DOCK3: variants seen among roughly 807,000 people sequenced by gnomAD.
DOCK3 encodes dedicator of cytokinesis protein 3.
In DOCK3, 60 loss-of-function variants were observed where a neutral mutation model predicts 265.6. That is an observed-to-expected ratio of 0.23 (90% CI 0.18 to 0.28). The LOEUF (loss-of-function observed/expected upper bound fraction) is 0.28, where lower values mean the gene tolerates loss of function less well. Ranked by LOEUF, DOCK3 falls within the 10% of genes least tolerant of loss-of-function variation. The probability of loss-of-function intolerance (pLI) is 1.00; values close to 1 mark genes in which losing one functional copy is unlikely to be tolerated. For synonymous variants in DOCK3, 881 were observed against 938.0 expected (o/e 0.94, Z 1.11); for missense variants, 1,981 against 2,594.3 (o/e 0.76, Z 5.14).
intron 22 of DOCK3, among the ~76,000 whole-genome samples, chr3:51,248,623 G>A (rs1270793057): frequency 1.3e-5 from 2 of 152,036 alleles, no homozygotes; most frequent in Admixed American, 6.5e-5. Context: ...ACCCCGTCTG[G>A]GCAGTGAGGA....
intron 3 of DOCK3, among the ~76,000 whole-genome samples, chr3:50,871,994 G>C (rs2047453561): frequency 6.6e-6 from 1 of 152,148 alleles, no homozygotes; most frequent in African/African-American, 2.4e-5. Flanking sequence ...TGAGTTCTCT[G>C]TCTGAAAGAT....
intron 1 of DOCK3, among the ~76,000 whole-genome samples, chr3:50,745,334 C>T (rs9824444): frequency 0.76 from 114,913 of 151,994 alleles, 44,592 homozygotes; most frequent in Middle Eastern, 0.88. Flanking sequence ...GCTGAGCCAC[C>T]GTGCCCGGTG....
intron 10 of DOCK3, among the ~76,000 whole-genome samples, chr3:51,148,820 A>T (rs2085426668): frequency 6.6e-6 from 1 of 152,172 alleles, no homozygotes; most frequent in African/African-American, 2.4e-5. Context: ...TGTCTTGGCA[A>T]TGTGGGCTCT....
intron 21 of DOCK3, among the ~76,000 whole-genome samples, chr3:51,245,390 C>CTTTT (rs71084137): frequency 9.4e-6 from 1 of 106,678 alleles, no homozygotes; most frequent in African/African-American, 3.5e-5. Context: ...CATTTTCTTT[C>CTTTT]TTTTTTTTTT....
At chr3:50,839,718 TCTCCCCTCCCCTCCC>T (rs1190808502) in intron 2 of DOCK3, among the ~76,000 whole-genome samples, 4 of 15,022 alleles carry the variant, frequency 2.7e-4, no homozygotes, top group South Asian at 4.8e-3. Flanking sequence ...CCTCCCCTCC[TCTCCCCTCCCCTCCC>T]CTCCCCTCCC....
At chr3:51,040,717 A>G (rs2080447766) in intron 5 of DOCK3, among the ~76,000 whole-genome samples, 1 of 152,210 alleles carries the variant, frequency 6.6e-6, no homozygotes, top group Non-Finnish European at 1.5e-5. Context: ...CTACTTTATC[A>G]ATAAAGTTTA....
At chr3:51,134,996 G>C (rs755740361) in intron 9 of DOCK3, among the ~76,000 whole-genome samples, 13 of 152,050 alleles carry the variant, frequency 8.5e-5, no homozygotes, top group Non-Finnish European at 5.9e-5. Context: ...TGCCTGGTGC[G>C]CAAAAAAACA....
intron 27 of DOCK3, among the ~76,000 whole-genome samples, chr3:51,281,641 T>C (rs947565700): frequency 1.3e-5 from 2 of 152,158 alleles, no homozygotes; most frequent in Non-Finnish European, 2.9e-5. Flanking sequence ...ATCTTTTGTG[T>C]TGGAGACTCT....
At chr3:50,687,292 C>A (rs971569045) in intron 1 of DOCK3, among the ~76,000 whole-genome samples, 2 of 152,086 alleles carry the variant, frequency 1.3e-5, no homozygotes, top group African/African-American at 4.8e-5. Context: ...AGTTTGGCTT[C>A]GAATGCAGCC....
intron 3 of DOCK3, among the ~76,000 whole-genome samples, chr3:50,859,932 G>T (rs2046824085): frequency 6.6e-6 from 1 of 152,254 alleles, no homozygotes; most frequent in African/African-American, 2.4e-5. Context: ...GTACTTCTTG[G>T]CTGCCCACTG....
chr3:51,014,378 C>T (rs574547350), intron 5 of DOCK3, among the ~76,000 whole-genome samples: 1 of 152,236 alleles, frequency 6.6e-6, no homozygotes, highest in East Asian at 1.9e-4. Context: ...CTCATTCTCT[C>T]TTACATTCTC....
chr3:51,012,254 C>T (rs1307970572), intron 5 of DOCK3, among the ~76,000 whole-genome samples: 3 of 152,306 alleles, frequency 2.0e-5, no homozygotes, highest in African/African-American at 7.2e-5. Context: ...GAGGTGGAGT[C>T]TACAGAGGCA....
intron 23 of DOCK3, among the ~76,000 whole-genome samples, chr3:51,260,818 C>T (rs960000940): frequency 1.3e-5 from 2 of 151,724 alleles, no homozygotes; most frequent in African/African-American, 2.4e-5. Context: ...CCCATCTCTA[C>T]TAAAAATACA....
At chr3:50,895,593 G>A (rs978425434) in intron 4 of DOCK3, among the ~76,000 whole-genome samples, 1 of 152,064 alleles carries the variant, frequency 6.6e-6, no homozygotes, top group African/African-American at 2.4e-5. Context: ...GTATACATGT[G>A]CCATGGTGGT....
At chr3:51,106,323 G>A (rs751125177) in intron 9 of DOCK3, among the ~76,000 whole-genome samples, 2 of 152,212 alleles carry the variant, frequency 1.3e-5, no homozygotes, top group African/African-American at 2.4e-5. Flanking sequence ...GGCAGGCCAC[G>A]CTTGGTCGGC....
At chr3:51,241,345 C>A (rs56052360) in intron 21 of DOCK3, among the ~76,000 whole-genome samples, 4 of 152,090 alleles carry the variant, frequency 2.6e-5, no homozygotes, top group Admixed American at 2.0e-4. Context: ...CTCTAAATGC[C>A]TTTAACATTT....
chr3:51,160,812 C>A, intron 12 of DOCK3, 110 bp downstream of exon 12: 1 of 1,343,684 alleles, frequency 7.4e-7, no homozygotes, highest in Non-Finnish European at 9.9e-7. Flanking sequence ...CGCAGTGGCT[C>A]ACGCCTGTAT....
At chr3:50,911,593 C>T (rs1344256989) in intron 4 of DOCK3, among the ~76,000 whole-genome samples, 1 of 151,872 alleles carries the variant, frequency 6.6e-6, no homozygotes, top group Admixed American at 6.6e-5. Flanking sequence ...TAGTGTGATG[C>T]CTCCAGCTTT....
intron 5 of DOCK3, among the ~76,000 whole-genome samples, chr3:50,963,198 A>T (rs952141757): frequency 1.3e-5 from 2 of 152,316 alleles, no homozygotes; most frequent in African/African-American, 4.8e-5. Context: ...AAAACAAAAA[A>T]ATAAATTGTT....
Sources: gnomAD v4.1 joint callset for allele counts (sites outside exome capture counted in the v4.1 genomes callset) on GRCh38, gnomAD v4.1.1 for gene constraint, MANE v1.5 for transcripts, NCBI Gene and HGNC (gene_info 2026-07-23, HGNC 2026-07-21) for gene names.